The following CRKL variants were observed in gnomAD, a reference collection of about 807,000 sequenced individuals.
The protein encoded by CRKL is CRK like proto-oncogene, adaptor protein.
A neutral mutation model predicts 23.0 loss-of-function variants in CRKL; 3 were observed. The ratio of observed to expected loss-of-function variants is 0.13; its 90% CI spans 0.06 to 0.34. CRKL has a LOEUF of 0.34. CRKL is among the 10% of genes least tolerant of loss of function. The pLI is 1.00. For missense variants in CRKL, 256 were observed against 394.5 expected, an observed-to-expected ratio of 0.65 and a Z score of 2.97; for synonymous variants, 188 against 160.7, an observed-to-expected ratio of 1.17 and a Z score of -1.28.
chr22:20,930,995 C>G (rs1921430530), intron 1 of CRKL, among the ~76,000 whole-genome samples: 1 of 151,854 alleles, frequency 6.6e-6, no homozygotes, highest in African/African-American at 2.4e-5. Flanking sequence ...CTGCTTTTAA[C>G]TATACAAATA....
chr22:20,930,497 G>A (rs1260572070), intron 1 of CRKL, among the ~76,000 whole-genome samples: 1 of 151,638 alleles, frequency 6.6e-6, no homozygotes, highest in Admixed American at 6.6e-5. Flanking sequence ...CTCTTCCCTC[G>A]GCCTCCCAAG....
intron 1 of CRKL, among the ~76,000 whole-genome samples, chr22:20,927,192 A>ATTTTTGTTTTTTTTTTTTTTTTTT (rs1921248586): frequency 1.2e-5 from 1 of 81,970 alleles, no homozygotes; most frequent in African/African-American, 5.9e-5. Context: ...TTGGAATTGA[A>ATTTTTGTTTTTTTTTTTTTTTTTT]TTTTTTTTTT....
rs1351074247 is a variant in CRKL, at chr22:20,953,450, A to T, written c.*3605A>T. ...AACAACAACAACAACAACAACAACA[A>T]CATAAAACTCTTTTGACCTGTAACT... On this transcript the variant is annotated 3_prime_UTR_variant, in exon 3 of 3. Coordinates refer to ENST00000354336, the MANE Select transcript of CRKL (RefSeq NM_005207.4). 9.3e-6 allele frequency: 2 copies of T among 215,980 alleles called. No homozygotes were observed. The highest frequency in any genetic ancestry group is 2.0e-4 in the South Asian group (1 of 4,950). The allele number at this position is 215,980 out of a possible 1,614,324, so 13.4% of individuals were successfully genotyped here.
chr22:20,935,038 TCTC>T (rs1303688005), intron 2 of CRKL, among the ~76,000 whole-genome samples: 4 of 152,018 alleles, frequency 2.6e-5, no homozygotes, highest in Non-Finnish European at 4.4e-5. Context: ...ATGGTGTCGA[TCTC>T]CTGACCTCGT....
rs1922332580 is a variant in CRKL at position 20,952,966 on chromosome 22, G to A, written c.*3121G>A. The A allele has an allele frequency of 4.3e-6, 1 of 231,362 alleles. No individual in the cohort carries two copies. Among genetic ancestry groups the A allele is most frequent in the African/African-American group, 2.2e-5 (1 of 45,206 alleles). The allele number at this position is 231,362 out of a possible 1,614,324, so 14.3% of individuals were successfully genotyped here. ...AAAGCTGAAAGGGAAGGACAGCTGT[G>A]CCCTCCTGGGAGCTCATGTGTCCCT... On this transcript the variant is annotated 3_prime_UTR_variant, in exon 3 of 3. Transcript: ENST00000354336.
rs553642758 is a variant in CRKL at position 20,950,477 on chromosome 22, A to C, written c.*632A>C. On this transcript the variant is annotated 3_prime_UTR_variant, in exon 3 of 3. Transcript: ENST00000354336. ...CACCCAGGCTGGAGTGCAGTGGCGCAATCTCGCCTTCCTGCAGTCTCCGCC... is the reference window on the plus strand; with the variant it reads ...CACCCAGGCTGGAGTGCAGTGGCGCCATCTCGCCTTCCTGCAGTCTCCGCC... 218 of 231,506 alleles carry C rather than the reference A, an allele frequency of 9.4e-4. No individual in the cohort carries two copies. Among genetic ancestry groups the C allele is most frequent in the Non-Finnish European group, 1.4e-3 (167 of 117,118 alleles). The allele number at this position is 231,506 out of a possible 1,614,324, so 14.3% of individuals were successfully genotyped here. A position where few individuals can be genotyped will look rare whatever the true frequency, so the allele number is the denominator to read the frequency against.
chr22:20,918,660 C>G (rs1385404599), intron 1 of CRKL, among the ~76,000 whole-genome samples: 1 of 148,520 alleles, frequency 6.7e-6, no homozygotes, highest in Non-Finnish European at 1.5e-5. Flanking sequence ...GGTGCGATCT[C>G]GGCTCACTGC....
rs369528684 is a variant in CRKL at position 20,937,505 on chromosome 22, G to C, written c.777+3261G>C. Among the ~76,000 whole-genome samples the C allele has an allele frequency of 6.0e-5, 9 of 149,274 alleles. 1 individual carries two copies. Among genetic ancestry groups the C allele is most frequent in the Non-Finnish European group, 1.2e-4 (8 of 67,542 alleles). ...TGTGTGCTCACTGGAGCGAGTACTA[G>C]GAGGTTGTAGGGAGGAATACCAGGT... is the stretch of plus-strand genomic sequence containing the variant. On this transcript the variant is annotated intron_variant, in intron 2 of 2. Coordinates refer to ENST00000354336, the MANE Select transcript of CRKL (RefSeq NM_005207.4).
In CRKL at chr22:20,917,886, G is replaced by C. The variant is rs771887803; in HGVS notation, c.-49G>C. On this transcript the variant is annotated 5_prime_UTR_variant, in exon 1 of 3. Transcript: ENST00000354336. The stretch of plus-strand genomic sequence containing the variant: ...TGCCGGGCTAAGGCGTGCAGAGCAG[G>C]CGAGGACAGCCGCCGCCCCTACCGC... 2 of 1,573,584 alleles carry C rather than the reference G, an allele frequency of 1.3e-6. No homozygotes were observed. Among genetic ancestry groups the C allele is most frequent in the South Asian group, 2.3e-5 (2 of 85,782 alleles).
intron 2 of CRKL, among the ~76,000 whole-genome samples, chr22:20,944,167 T>G (rs924373925): frequency 9.3e-5 from 14 of 150,122 alleles, no homozygotes; most frequent in Non-Finnish European, 1.5e-5. Context: ...TTTTAATTTC[T>G]TTTATGAGGC....
At position 20,952,431 on chromosome 22, in the gene CRKL, G is replaced by A. The variant is rs990936427; in HGVS notation, c.*2586G>A. 4.3e-6 allele frequency: 1 copy of A among 230,608 alleles called. No individual in the cohort carries two copies. The highest frequency in any genetic ancestry group is 8.6e-6 in the Non-Finnish European group (1 of 116,286). 14.3% of individuals were successfully genotyped at this position (230,608 alleles called of 1,614,324 possible). A position where few individuals can be genotyped will look rare whatever the true frequency, so the allele number is the denominator to read the frequency against. On this transcript the variant is annotated 3_prime_UTR_variant, in exon 3 of 3. Transcript: ENST00000354336. Reference sequence around the variant, plus strand: ...GGAGATTCAGAGCTCAAAACAAGGCGAGCTTGAGTTCTGCACTCCAGATAT... The same window carrying A: ...GGAGATTCAGAGCTCAAAACAAGGCAAGCTTGAGTTCTGCACTCCAGATAT...
chr22:20,922,140 G>A (rs1921017927), intron 1 of CRKL, among the ~76,000 whole-genome samples: 1 of 150,708 alleles, frequency 6.6e-6, no homozygotes, highest in Non-Finnish European at 1.5e-5. Flanking sequence ...AGCCTCCTGA[G>A]TAGCTGGGAC....
chr22:20,941,589 T>TATATATATATATATA (rs1491187455), intron 2 of CRKL, among the ~76,000 whole-genome samples: 1 of 32,214 alleles, frequency 3.1e-5, no homozygotes, highest in African/African-American at 1.1e-4. Flanking sequence ...TATATATATA[T>TATATATATATATATA]TTTTTTTTTT....
intron 1 of CRKL, among the ~76,000 whole-genome samples, chr22:20,932,274 C>A (rs5752272): frequency 0.72 from 109,803 of 151,928 alleles, 41,286 homozygotes; most frequent in East Asian, 0.92. Context: ...ATGCCCGGCT[C>A]ATTTTTTGTC....
chr22:20,946,136 C>A (rs1375144521), intron 2 of CRKL, among the ~76,000 whole-genome samples: 1 of 152,116 alleles, frequency 6.6e-6, no homozygotes, highest in Admixed American at 6.6e-5. Flanking sequence ...TTTTATGTAA[C>A]CTGAAAGCAT....
At chr22:20,921,771 C>CG (rs1476074014) in intron 1 of CRKL, among the ~76,000 whole-genome samples, 1 of 150,616 alleles carries the variant, frequency 6.6e-6, no homozygotes, top group Non-Finnish European at 1.5e-5. Context: ...CTGGAGTGTG[C>CG]GATCTCGGCT....
At chr22:20,939,895 T>TCTCCTGCCTCAGC (rs965978047) in intron 2 of CRKL, among the ~76,000 whole-genome samples, 13 of 151,610 alleles carry the variant, frequency 8.6e-5, no homozygotes, top group Non-Finnish European at 7.4e-5. Context: ...TTCAAGTGAT[T>TCTCCTGCCTCAGC]CTCCTGCCTC....
At chr22:20,933,608 C>A (rs1227692345) in intron 1 of CRKL, among the ~76,000 whole-genome samples, 171 bp from the exon 2 acceptor site, 1 of 152,116 alleles carries the variant, frequency 6.6e-6, no homozygotes, top group Non-Finnish European at 1.5e-5. Flanking sequence ...GCAGAGTTTG[C>A]AGTGAGCTAA....
At chr22:20,927,523 T>C (rs1049501595) in intron 1 of CRKL, among the ~76,000 whole-genome samples, 1 of 150,946 alleles carries the variant, frequency 6.6e-6, no homozygotes, top group African/African-American at 2.4e-5. Flanking sequence ...CTTTTTTTTT[T>C]TTTTTTTAAC....
Sources: gnomAD v4.1 joint callset for allele counts (sites outside exome capture counted in the v4.1 genomes callset) on GRCh38, gnomAD v4.1.1 for gene constraint, MANE v1.5 for transcripts, NCBI Gene and HGNC (gene_info 2026-07-23, HGNC 2026-07-21) for gene names.